ARHGEF7: variants seen among roughly 807,000 people sequenced by gnomAD.
ARHGEF7 encodes the protein PAK-interacting exchange factor beta.
A neutral mutation model predicts 109.8 loss-of-function variants in ARHGEF7; 33 were observed. The ratio of observed to expected loss-of-function variants is 0.30; its 90% confidence interval spans 0.23 to 0.40. ARHGEF7 has a LOEUF of 0.40. ARHGEF7 is among the 10% of genes least tolerant of loss of function. ARHGEF7 has a pLI of 1.00. For synonymous variants in ARHGEF7, 458 were observed against 424.6 expected (o/e 1.08, Z -0.97); for missense variants, 938 against 1,098.5 (o/e 0.85, Z 2.07).
intron 1 of ARHGEF7, among the ~76,000 whole-genome samples, chr13:111,120,787 GT>G (rs1293189547): frequency 6.6e-6 from 1 of 152,190 alleles, no homozygotes; most frequent in Non-Finnish European, 1.5e-5. Context: ...TGCTCCTCTC[GT>G]TTGCAGGCGC....
chr13:111,159,720 G>GT (rs946845861), intron 2 of ARHGEF7, among the ~76,000 whole-genome samples: 20 of 151,424 alleles, frequency 1.3e-4, no homozygotes, highest in East Asian at 3.9e-4. Flanking sequence ...TTTTAATCAG[G>GT]TTTTTTTTTG....
intron 2 of ARHGEF7, among the ~76,000 whole-genome samples, chr13:111,195,274 G>A (rs1358837577): frequency 5.3e-5 from 8 of 152,146 alleles, no homozygotes; most frequent in Non-Finnish European, 8.8e-5. Context: ...ACAACAAATG[G>A]GTAACTTGTT....
intron 2 of ARHGEF7, among the ~76,000 whole-genome samples, chr13:111,195,892 G>A (rs138771921): frequency 5.8e-4 from 89 of 152,264 alleles, no homozygotes; most frequent in African/African-American, 2.0e-3. Context: ...CTCTGATCTC[G>A]CTTTTCCTTT....
chr13:111,221,511 ATAGATAT>A (rs1356469015), intron 5 of ARHGEF7, among the ~76,000 whole-genome samples: 6 of 60,776 alleles, frequency 9.9e-5, no homozygotes, highest in Non-Finnish European at 1.6e-4. Context: ...ATCTATATAT[ATAGATAT>A]ATATCTATAT....
chr13:111,291,200 A>G (rs374557859), intron 18 of ARHGEF7, among the ~76,000 whole-genome samples: 2 of 152,382 alleles, frequency 1.3e-5, no homozygotes, highest in African/African-American at 4.8e-5. Flanking sequence ...CCGCCTCTGC[A>G]TGGAGGGAGA....
At chr13:111,275,996 G>A (rs767833678) in intron 12 of ARHGEF7, 8 of 313,818 alleles carry the variant, frequency 2.5e-5, no homozygotes, top group Middle Eastern at 1.1e-3. Flanking sequence ...AGCTGTATGC[G>A]CTTATCTGGC....
At chr13:111,244,122 G>T in intron 7 of ARHGEF7, 77 bp from the exon 8 acceptor site, 1 of 1,266,002 alleles carries the variant, frequency 7.9e-7, no homozygotes, top group Non-Finnish European at 1.1e-6. Flanking sequence ...GACTTCAATA[G>T]GACATTGGGA....
At chr13:111,296,920 A>AT (rs1336882165) in intron 19 of ARHGEF7, among the ~76,000 whole-genome samples, 1 of 152,232 alleles carries the variant, frequency 6.6e-6, no homozygotes, top group Non-Finnish European at 1.5e-5. Flanking sequence ...TAGAACCATC[A>AT]TGAATGTGTT....
Position 111,259,264 on chromosome 13 carries a change from A to G in ARHGEF7, c.951-8284A>G, listed in dbSNP as rs117838131. 3.9e-4 allele frequency among the ~76,000 whole-genome samples: 59 copies of G among 152,254 alleles called. No homozygotes were observed. The East Asian group carries it at 0.01, about 26-fold the overall frequency. ...AGGCAGTAGTTAGGAAGTGGTTACC[A>G]TGGGCCTTGGGTGCAGTCCAGTGCT... On this transcript the variant is annotated intron_variant, in intron 8 of 21. Transcript: ENST00000646102.
chr13:111,161,199 C>G lies in ARHGEF7; in HGVS notation c.252+7208C>G, dbSNP rs1594122779. ...ATGATGCTGAGTAGCACAGAGCATGCTTGTGGCATGGGTGCTAAATGGTTA... is the reference window on the plus strand; with the variant it reads ...ATGATGCTGAGTAGCACAGAGCATGGTTGTGGCATGGGTGCTAAATGGTTA... On this transcript the variant is annotated intron_variant, in intron 2 of 21. Transcript: ENST00000646102. Among the ~76,000 whole-genome samples, 6 of 152,344 alleles carry G rather than the reference C, an allele frequency of 3.9e-5. No homozygotes were observed. The South Asian group carries it at 1.2e-3, about 32-fold the overall frequency.
At chr13:111,153,574 C>T (rs1280189950) in intron 1 of ARHGEF7, 7 of 1,063,746 alleles carry the variant, frequency 6.6e-6, no homozygotes, top group Non-Finnish European at 8.0e-6. Context: ...TGGGCTGCGT[C>T]CGCGGGGGCG....
Position 111,273,977 on chromosome 13 carries a change from T to TG in ARHGEF7, c.1212+27dup. 1 of 1,611,262 alleles carries TG rather than the reference T, an allele frequency of 6.2e-7. No individual in the cohort carries two copies. The highest frequency in any genetic ancestry group is 1.1e-5 in the South Asian group (1 of 90,986). On this transcript the variant is annotated intron_variant, in intron 10 of 21. Coordinates refer to ENST00000646102, the MANE Select transcript of ARHGEF7 (RefSeq NM_001354046.2). The surrounding 1 kb of genome is among the most constrained non-coding windows in gnomAD (Gnocchi z 4.5). The stretch of plus-strand genomic sequence containing the variant: ...GGTACTGCGCTTTCATTCTCTTACT[T>TG]GGAGTCCTTACCAAGGGTTAGTGGC...
At chr13:111,244,686 T>C (rs1446965621) in intron 8 of ARHGEF7, among the ~76,000 whole-genome samples, 2 of 152,366 alleles carry the variant, frequency 1.3e-5, no homozygotes, top group South Asian at 4.1e-4. Context: ...GCTTGCCTGC[T>C]GTTTCTGGCC....
chr13:111,275,168 A>G, intron 11 of ARHGEF7, among the ~76,000 whole-genome samples: 1 of 152,218 alleles, frequency 6.6e-6, no homozygotes, highest in African/African-American at 2.4e-5. Context: ...AGCACAAGTT[A>G]TACTTTCTGT....
intron 15 of ARHGEF7, among the ~76,000 whole-genome samples, chr13:111,281,779 C>G (rs901562217): frequency 6.6e-6 from 1 of 152,134 alleles, no homozygotes; most frequent in African/African-American, 2.4e-5. Context: ...CCAGACCCTC[C>G]GTCTTAGTGT....
At chr13:111,226,483 C>T (rs1313806173) in intron 5 of ARHGEF7, among the ~76,000 whole-genome samples, 2 of 152,328 alleles carry the variant, frequency 1.3e-5, no homozygotes, top group Admixed American at 1.3e-4. Flanking sequence ...TTATGCTTAA[C>T]CAACTTTGCC....
chr13:111,284,839 C>T (rs2092951315), intron 16 of ARHGEF7, among the ~76,000 whole-genome samples: 1 of 152,190 alleles, frequency 6.6e-6, no homozygotes, highest in Non-Finnish European at 1.5e-5. Context: ...GTGCTGTGTG[C>T]TCTGTGACCC....
chr13:111,188,647 T>C (rs1457210024), intron 2 of ARHGEF7, among the ~76,000 whole-genome samples: 1 of 152,230 alleles, frequency 6.6e-6, no homozygotes. Flanking sequence ...TTACTGTGTT[T>C]AGAATTTGAG....
chr13:111,241,189 T>C, intron 6 of ARHGEF7: 1 of 1,535,940 alleles, frequency 6.5e-7, no homozygotes, highest in Admixed American at 2.0e-5. Context: ...GCACTGTGGG[T>C]CGTAAAAGCT....
Sources: allele counts gnomAD v4.1 joint callset (sites outside exome capture counted in the v4.1 genomes callset), GRCh38; gene constraint gnomAD v4.1.1; non-coding constraint Gnocchi (gnomAD v3.1); transcripts MANE v1.5; gene names NCBI Gene and HGNC (gene_info 2026-07-23, HGNC 2026-07-21).